The following GUCY1A1 variants were observed in gnomAD, a reference collection of about 807,000 sequenced individuals.
The protein encoded by GUCY1A1 is guanylate cyclase 1 soluble subunit alpha 1.
Under a neutral mutation model 64.5 loss-of-function variants are expected in GUCY1A1, and 48 were observed. The observed-to-expected ratio is 0.74, with a 90% CI of 0.59 to 0.95. The LOEUF is 0.95. Ranked by LOEUF, GUCY1A1 falls within the 40% of genes least tolerant of loss-of-function variation. GUCY1A1 has a pLI of 0.00. For synonymous variants in GUCY1A1, 308 were observed against 303.4 expected (o/e 1.02, Z -0.16); for missense variants, 804 against 825.3 (o/e 0.97, Z 0.32).
Position 155,717,167 on chromosome 4 carries a change from C to T in GUCY1A1, c.1581C>T (p.Thr527=), listed in dbSNP as rs1354054293. The T allele has an allele frequency of 2.0e-6, 3 of 1,497,092 alleles. No individual in the cohort carries two copies. Among genetic ancestry groups the T allele is most frequent in the Non-Finnish European group, 2.7e-6 (3 of 1,112,064 alleles). The allele number at this position is 1,497,092 out of a possible 1,614,324, so 92.7% of individuals were successfully genotyped here. A position where few individuals can be genotyped will look rare whatever the true frequency, so the allele number is the denominator to read the frequency against. Residue 527 remains threonine, a synonymous_variant, in exon 8 of 10, where the codon ACC becomes ACT. Transcript: ENST00000506455. ...CGELDVYKVE[T]IGDAYCVAGG... ...AAATATATTATGTCTAGGTGGAGAC[C>T]ATTGGCGATGCCTATTGTGTAGCTG...
intron 4 of GUCY1A1, among the ~76,000 whole-genome samples, chr4:155,706,503 C>T (rs1400754938): frequency 6.6e-6 from 1 of 151,602 alleles, no homozygotes; most frequent in Non-Finnish European, 1.5e-5. Flanking sequence ...GAATGAAGGA[C>T]TAGAGCTGCC....
chr4:155,690,906 G>A (rs1390714359), intron 2 of GUCY1A1, among the ~76,000 whole-genome samples: 6 of 152,206 alleles, frequency 3.9e-5, no homozygotes, highest in Admixed American at 2.6e-4. Flanking sequence ...CAAGACCTTC[G>A]TAAATATTTG....
In GUCY1A1 at chr4:155,711,133, A is replaced by G; in HGVS notation, c.968A>G (p.Tyr323Cys). The G allele has an allele frequency of 1.2e-6, 2 of 1,612,782 alleles. No individual in the cohort carries two copies. Among genetic ancestry groups the G allele is most frequent in the Non-Finnish European group, 1.7e-6 (2 of 1,178,740 alleles). Residue 323 changes from tyrosine to cysteine, a missense_variant, in exon 6 of 10, where the codon TAC becomes TGC. By Grantham distance (194) the Tyr-to-Cys change is radical. Coordinates refer to ENST00000506455, the MANE Select transcript of GUCY1A1 (RefSeq NM_001130682.3). ...DFQGKPNFEE[Y>C]FEILTPKINQ... ...CAAGGAAAGCCTAATTTTGAAGAAT[A>G]CTTTGAAATTCTGACTCCAAAAATC...
intron 8 of GUCY1A1, among the ~76,000 whole-genome samples, chr4:155,718,357 T>C (rs1372018216): frequency 1.3e-5 from 2 of 152,226 alleles, no homozygotes; most frequent in Admixed American, 6.6e-5. Flanking sequence ...TCGTAACTAT[T>C]TTCTAAGTCT....
rs556601718 is a variant in GUCY1A1, at chr4:155,710,932, C to T, written c.767C>T (p.Ser256Phe). The T allele has an allele frequency of 6.2e-7, 1 of 1,613,968 alleles. No homozygotes were observed. The highest frequency in any genetic ancestry group is 8.5e-7 in the Non-Finnish European group (1 of 1,179,882). ...EFVNQPYLLY[S>F]VHMKSTKPSL... ...GTGAATCAGCCCTACTTGTTGTACTCCGTTCACATGAAAAGCACCAAGCCA... is the reference window on the plus strand; with the variant it reads ...GTGAATCAGCCCTACTTGTTGTACTTCGTTCACATGAAAAGCACCAAGCCA... Residue 256 changes from serine (S) to phenylalanine (F), a missense_variant, in exon 6 of 10, where the codon TCC (serine) becomes TTC (phenylalanine). Coordinates refer to ENST00000506455, the MANE Select transcript of GUCY1A1 (RefSeq NM_001130682.3).
rs193250550 is a variant in GUCY1A1, at chr4:155,708,052, T to C, written c.318-184T>C. Among the ~76,000 whole-genome samples, 916 of 152,302 alleles carry C rather than the reference T, an allele frequency of 6.0e-3. 11 individuals carry two copies. Among genetic ancestry groups the C allele is most frequent in the African/African-American group, 0.02 (811 of 41,566 alleles). ...TGGGGTTTCACCATATTGGCCAGGC[T>C]GCTCTTGAACTCCTGACCTTGTGAT... On this transcript the variant is annotated intron_variant, in intron 4 of 9. Transcript: ENST00000506455.
At chr4:155,688,869 C>T (rs370042903) in intron 2 of GUCY1A1, among the ~76,000 whole-genome samples, 50 of 151,926 alleles carry the variant, frequency 3.3e-4, no homozygotes, top group African/African-American at 1.1e-3. Context: ...GAATACTGCA[C>T]CTCAGCAATT....
intron 6 of GUCY1A1, 164 bp downstream of exon 6, chr4:155,711,415 T>G (rs1732559196): frequency 2.1e-6 from 1 of 474,134 alleles, no homozygotes; most frequent in Non-Finnish European, 3.7e-6. Context: ...ACAAAATTCT[T>G]TCTGCATTTG....
intron 2 of GUCY1A1, among the ~76,000 whole-genome samples, chr4:155,676,118 A>G (rs745787175): frequency 9.3e-5 from 14 of 149,770 alleles, no homozygotes; most frequent in Admixed American, 2.0e-4. Flanking sequence ...TCTGCCTTCA[A>G]TCAAGAGCAT....
chr4:155,679,593 G>C (rs558912951), intron 2 of GUCY1A1, among the ~76,000 whole-genome samples: 51 of 152,112 alleles, frequency 3.4e-4, no homozygotes, highest in Admixed American at 3.3e-4. Flanking sequence ...ACTGGCTATC[G>C]TGAGAACGGT....
intron 2 of GUCY1A1, among the ~76,000 whole-genome samples, chr4:155,690,084 A>G (rs143057955): frequency 1.5e-4 from 23 of 152,366 alleles, no homozygotes; most frequent in African/African-American, 5.3e-4. Flanking sequence ...GAATTGGAGT[A>G]ACCTAACTCC....
intron 2 of GUCY1A1, among the ~76,000 whole-genome samples, chr4:155,688,176 C>G (rs539915895): frequency 6.6e-6 from 1 of 151,322 alleles, no homozygotes. Context: ...TGCAGTGAGC[C>G]GAGATCGCAC....
At chr4:155,715,957 A>G (rs1032070987) in intron 7 of GUCY1A1, among the ~76,000 whole-genome samples, 1 of 152,182 alleles carries the variant, frequency 6.6e-6, no homozygotes, top group South Asian at 2.1e-4. Flanking sequence ...GGTGATTGCT[A>G]TTTCTTAGAG....
At chr4:155,714,680 C>T (rs1021583398) in intron 7 of GUCY1A1, among the ~76,000 whole-genome samples, 5 of 152,018 alleles carry the variant, frequency 3.3e-5, no homozygotes, top group East Asian at 1.9e-4. Context: ...GTGGAAGAAA[C>T]GAATATTATT....
intron 2 of GUCY1A1, among the ~76,000 whole-genome samples, chr4:155,677,116 C>T (rs1324973174): frequency 5.5e-5 from 8 of 146,636 alleles, no homozygotes; most frequent in Non-Finnish European, 8.8e-5. Context: ...CCTGAAATTT[C>T]GTCCTTTAGA....
intron 2 of GUCY1A1, among the ~76,000 whole-genome samples, chr4:155,674,735 T>C (rs1282844880): frequency 6.6e-6 from 1 of 151,554 alleles, no homozygotes; most frequent in Non-Finnish European, 1.5e-5. Context: ...CAATGCCTTC[T>C]TCTGGAATAC....
At chr4:155,687,125 C>A (rs10023913) in intron 2 of GUCY1A1, among the ~76,000 whole-genome samples, 15,691 of 152,086 alleles carry the variant, frequency 0.1, 2,666 homozygotes, top group African/African-American at 0.35. Context: ...TTCTGAGAAG[C>A]TAGAATAAAA....
chr4:155,726,315 ATACT>A (rs1734662132), intron 9 of GUCY1A1, among the ~76,000 whole-genome samples: 1 of 151,962 alleles, frequency 6.6e-6, no homozygotes, highest in Admixed American at 6.6e-5. Context: ...TCTTTCAGAG[ATACT>A]TCACTTTTCT....
chr4:155,713,026 T>G lies in GUCY1A1; in HGVS notation c.1087-72T>G, dbSNP rs1051592100. 34 of 1,298,704 alleles carry G rather than the reference T, an allele frequency of 2.6e-5. No homozygotes were observed. In the African/African-American group the frequency reaches 4.7e-4, roughly 18 times the overall value. 80.4% of individuals were successfully genotyped at this position (1,298,704 alleles called of 1,614,324 possible). Reference sequence around the variant, plus strand: ...ACAAAGGGTTTATTACTGTATCTACTTCCCCTTCTTTTGTCTCAGAAAGAT... The same window carrying G: ...ACAAAGGGTTTATTACTGTATCTACGTCCCCTTCTTTTGTCTCAGAAAGAT... On this transcript the variant is annotated intron_variant, in intron 6 of 9. Transcript: ENST00000506455.
Sources: gnomAD v4.1 joint callset for allele counts (sites outside exome capture counted in the v4.1 genomes callset) on GRCh38, gnomAD v4.1.1 for gene constraint, MANE v1.5 for transcripts, NCBI Gene and HGNC (gene_info 2026-07-23, HGNC 2026-07-21) for gene names.